The following OCIAD1 variants were observed in gnomAD, a reference collection of about 807,000 sequenced individuals.
OCIAD1 encodes the protein OCIA domain containing 1, also known as OCIA domain-containing protein 1.
In OCIAD1, 29 loss-of-function variants were observed where a neutral mutation model predicts 38.9. The observed-to-expected ratio is 0.74, with a 90% confidence interval of 0.55 to 1.02. OCIAD1 has a LOEUF of 1.02. Among genes scored for constraint, OCIAD1 ranks in the 50% least tolerant of loss-of-function variants. The probability of loss-of-function intolerance (pLI) is 0.00; values close to 1 mark genes in which losing one functional copy is unlikely to be tolerated. For missense variants in OCIAD1, 288 were observed against 289.6 expected, an observed-to-expected ratio of 0.99 and a Z score of 0.04; for synonymous variants, 110 against 92.0, an observed-to-expected ratio of 1.20 and a Z score of -1.12.
intron 5 of OCIAD1, 137 bp from the exon 6 acceptor site, chr4:48,849,810 A>T (rs1779270268): frequency 1.5e-6 from 1 of 685,800 alleles, no homozygotes; most frequent in African/African-American, 1.8e-5. Flanking sequence ...TTCTTCTACC[A>T]TTATTTCAGG....
intron 1 of OCIAD1, among the ~76,000 whole-genome samples, chr4:48,824,398 T>C (rs1425211000): frequency 2.0e-5 from 3 of 152,104 alleles, no homozygotes; most frequent in African/African-American, 7.2e-5. Context: ...TTTCTTTTTT[T>C]GAGATGGGAC....
At chr4:48,832,861 C>G (rs1361724646) in intron 2 of OCIAD1, 179 bp downstream of exon 2, 2 of 597,368 alleles carry the variant, frequency 3.3e-6, no homozygotes, top group Non-Finnish European at 6.0e-6. Context: ...ATAAGGAGTC[C>G]CACGTTTTTA....
Position 48,849,931 on chromosome 4 carries a change from T to G in OCIAD1, c.242-16T>G, listed in dbSNP as rs768472160. On this transcript the variant is annotated splice_polypyrimidine_tract_variant and intron_variant, in intron 5 of 8. Transcript: ENST00000264312. The stretch of plus-strand genomic sequence containing the variant: ...GGCACATTCAGTTACACTTTTTGTT[T>G]GATTTTACAAATAAGTTGCTTGTAT... 6.3e-7 allele frequency: 1 copy of G among 1,587,120 alleles called. No homozygotes were observed. Among genetic ancestry groups the G allele is most frequent in the Non-Finnish European group, 8.5e-7 (1 of 1,171,446 alleles).
intron 1 of OCIAD1, 130 bp from the exon 2 acceptor site, chr4:48,832,490 T>A: frequency 1.4e-6 from 1 of 708,980 alleles, no homozygotes. Context: ...TAAGATATAG[T>A]AGTGTTTAAT....
chr4:48,857,221 C>T lies in OCIAD1; in HGVS notation c.556C>T (p.Pro186Ser). The change falls in exon 8 of 9, where the codon CCC becomes TCC. Residue 186 changes from proline (P) to serine (S), a missense_variant. By Grantham distance (74) the Pro-to-Ser change is moderately conservative. Coordinates refer to ENST00000264312, the MANE Select transcript of OCIAD1 (RefSeq NM_017830.4). Reference protein sequence around the residue: ...ITDHIVQGPDPNLEESPKRKN... With the variant: ...ITDHIVQGPDSNLEESPKRKN... ...ACTGTTTGTTGTTTTAGGACCTGAT[C>T]CCAACCTTGAAGAAAGTCCTAAAAG... 6.5e-7 allele frequency: 1 copy of T among 1,537,538 alleles called. No homozygotes were observed. Among genetic ancestry groups the T allele is most frequent in the Non-Finnish European group, 8.7e-7 (1 of 1,142,954 alleles).
chr4:48,837,662 T>A (rs909857250), intron 3 of OCIAD1, among the ~76,000 whole-genome samples: 12 of 149,446 alleles, frequency 8.0e-5, no homozygotes, highest in East Asian at 1.9e-4. Context: ...TTTTTTTTTT[T>A]AAATCTTTGA....
At chr4:48,830,276 G>T (rs564607726), upstream of OCIAD1, among the ~76,000 whole-genome samples, 1 of 152,164 alleles carries the variant, frequency 6.6e-6, no homozygotes, top group Non-Finnish European at 1.5e-5. Context: ...GTATGTCTTC[G>T]GGAGAATAAA....
At chr4:48,808,928 C>G (rs1222685876) in intron 1 of OCIAD1, among the ~76,000 whole-genome samples, 1 of 152,150 alleles carries the variant, frequency 6.6e-6, no homozygotes, top group African/African-American at 2.4e-5. Context: ...GAGAGTCATT[C>G]TTGTCCTCTT....
intron 3 of OCIAD1, among the ~76,000 whole-genome samples, chr4:48,836,954 C>T (rs1778040831): frequency 6.6e-6 from 1 of 152,122 alleles, no homozygotes; most frequent in Non-Finnish European, 1.5e-5. Context: ...ATTTTCATGG[C>T]TCATTAGAAT....
intron 1 of OCIAD1, among the ~76,000 whole-genome samples, chr4:48,809,400 A>G (rs7686458): frequency 0.98 from 149,369 of 152,136 alleles, 73,383 homozygotes; most frequent in East Asian, 1. Flanking sequence ...GGTGGGCGCC[A>G]ATAATCCCAG....
At chr4:48,854,855 AT>A (rs1212307262) in intron 7 of OCIAD1, among the ~76,000 whole-genome samples, 1 of 152,188 alleles carries the variant, frequency 6.6e-6, no homozygotes, top group African/African-American at 2.4e-5. Flanking sequence ...TTTACCAGGA[AT>A]TCAGAGAGTT....
chr4:48,805,913 A>G (rs1049561880), intron 1 of OCIAD1, among the ~76,000 whole-genome samples: 41 of 152,220 alleles, frequency 2.7e-4, no homozygotes, highest in Non-Finnish European at 1.9e-4. Flanking sequence ...AATTAAAGCC[A>G]TCTCAATTTT....
intron 3 of OCIAD1, among the ~76,000 whole-genome samples, chr4:48,840,373 G>T (rs567303880): frequency 6.6e-6 from 1 of 152,310 alleles, no homozygotes; most frequent in South Asian, 2.1e-4. Context: ...TTTGTCCTTT[G>T]CAAAACCTTA....
intron 7 of OCIAD1, chr4:48,852,457 GA>G (rs999887080): frequency 2.0e-5 from 3 of 152,494 alleles, no homozygotes; most frequent in African/African-American, 7.2e-5. Flanking sequence ...AAATCCATGT[GA>G]AAATGCTTTG....
At chr4:48,854,272 T>C (rs754005705) in intron 7 of OCIAD1, among the ~76,000 whole-genome samples, 3 of 152,112 alleles carry the variant, frequency 2.0e-5, no homozygotes, top group Non-Finnish European at 4.4e-5. Flanking sequence ...GTGTAGACAG[T>C]GTGGATATGC....
chr4:48,851,011 A>G (rs1006933203), intron 6 of OCIAD1, among the ~76,000 whole-genome samples: 1 of 152,242 alleles, frequency 6.6e-6, no homozygotes, highest in African/African-American at 2.4e-5. Flanking sequence ...AAATCTTATC[A>G]ATCCCATCTC....
chr4:48,832,790 C>A, intron 2 of OCIAD1, 108 bp downstream of exon 2: 2 of 780,984 alleles, frequency 2.6e-6, no homozygotes, highest in Non-Finnish European at 4.6e-6. Context: ...CATGTGCAGA[C>A]AGCGCCCCAT....
At chr4:48,859,731 T>C (rs536861833) in intron 8 of OCIAD1, among the ~76,000 whole-genome samples, 11 of 152,338 alleles carry the variant, frequency 7.2e-5, no homozygotes, top group African/African-American at 2.6e-4. Flanking sequence ...TTGAAATTAG[T>C]ACAGGGTAGA....
intron 4 of OCIAD1, 85 bp from the exon 5 acceptor site, chr4:48,848,313 GT>G: frequency 1.5e-6 from 1 of 677,158 alleles, no homozygotes; most frequent in South Asian, 1.8e-5. Context: ...AGGAGCTAAT[GT>G]TGTAAGATTA....
Sources: allele counts gnomAD v4.1 joint callset (sites outside exome capture counted in the v4.1 genomes callset), GRCh38; gene constraint gnomAD v4.1.1; transcripts MANE v1.5; gene names NCBI Gene and HGNC (gene_info 2026-07-23, HGNC 2026-07-21).